The following ADARB2 variants were observed in gnomAD, a reference collection of about 807,000 sequenced individuals.
ADARB2 encodes the protein inactive double-stranded RNA-specific editase B2.
Under a neutral mutation model 62.2 loss-of-function variants are expected in ADARB2, and 25 were observed. That is an observed-to-expected ratio of 0.40 (90% confidence interval 0.29 to 0.56). The LOEUF (loss-of-function observed/expected upper bound fraction) is 0.56, where lower values mean the gene tolerates loss of function less well. ADARB2 is among the 20% of genes least tolerant of loss of function. The probability of loss-of-function intolerance (pLI) is 0.43; values close to 1 mark genes in which losing one functional copy is unlikely to be tolerated. For synonymous variants in ADARB2, 572 were observed against 500.8 expected (o/e 1.14, Z -1.90); for missense variants, 1,071 against 1,077.4 (o/e 0.99, Z 0.08).
At chr10:1,588,514 G>A (rs987479957) in intron 1 of ADARB2, among the ~76,000 whole-genome samples, 1 of 152,192 alleles carries the variant, frequency 6.6e-6, no homozygotes, top group Non-Finnish European at 1.5e-5. Context: ...GCTGCTGTTG[G>A]GAGGATTTGC....
intron 1 of ADARB2, among the ~76,000 whole-genome samples, chr10:1,544,976 C>CACACACACACACACAT (rs1353338323): frequency 6.6e-6 from 1 of 151,998 alleles, no homozygotes; most frequent in African/African-American, 2.4e-5. Flanking sequence ...CACACACACA[C>CACACACACACACACAT]ACACACACAA....
chr10:1,548,244 C>T (rs959406920), intron 1 of ADARB2, among the ~76,000 whole-genome samples: 31 of 152,290 alleles, frequency 2.0e-4, no homozygotes, highest in Non-Finnish European at 7.4e-5. Context: ...AGCCCATTCC[C>T]GCAACTCACT....
At chr10:1,323,893 T>C (rs1252040233) in intron 3 of ADARB2, among the ~76,000 whole-genome samples, 1 of 152,056 alleles carries the variant, frequency 6.6e-6, no homozygotes, top group African/African-American at 2.4e-5. Context: ...AAAGGAAAAA[T>C]GGAAGAAATG....
intron 1 of ADARB2, among the ~76,000 whole-genome samples, chr10:1,591,280 A>C (rs1049847562): frequency 1.3e-5 from 2 of 152,206 alleles, no homozygotes; most frequent in Admixed American, 6.5e-5. Context: ...GCCACACTGC[A>C]GGGCTGCTCG....
intron 3 of ADARB2, among the ~76,000 whole-genome samples, chr10:1,347,999 GAGAC>G (rs1832096622): frequency 6.6e-6 from 1 of 151,836 alleles, no homozygotes; most frequent in South Asian, 2.1e-4. Flanking sequence ...CTGAGAGAGA[GAGAC>G]AGAGACAAAC....
At chr10:1,669,591 AAC>A (rs996403846) in intron 1 of ADARB2, among the ~76,000 whole-genome samples, 27 of 150,210 alleles carry the variant, frequency 1.8e-4, no homozygotes, top group South Asian at 2.1e-4. Context: ...CTCACTCACA[AAC>A]ACAGACACAC....
chr10:1,185,180 G>T (rs549890339), intron 8 of ADARB2, 141 bp from the exon 9 acceptor site: 13 of 1,155,186 alleles, frequency 1.1e-5, no homozygotes, highest in Non-Finnish European at 1.5e-5. Flanking sequence ...GCCAGTTCAC[G>T]TGTCACCCGC....
intron 1 of ADARB2, among the ~76,000 whole-genome samples, chr10:1,634,047 C>G (rs1041121408): frequency 1.3e-5 from 2 of 152,182 alleles, no homozygotes; most frequent in Non-Finnish European, 2.9e-5. Flanking sequence ...TTTCTGCTGC[C>G]GGCTGTGCTG....
At chr10:1,299,206 G>A (rs1024638618) in intron 3 of ADARB2, among the ~76,000 whole-genome samples, 2 of 152,008 alleles carry the variant, frequency 1.3e-5, no homozygotes, top group African/African-American at 2.4e-5. Context: ...GGGGAGTCAC[G>A]AAGGGGCCCC....
At chr10:1,572,296 T>C (rs1832953090) in intron 1 of ADARB2, among the ~76,000 whole-genome samples, 1 of 152,046 alleles carries the variant, frequency 6.6e-6, no homozygotes, top group Admixed American at 6.5e-5. Flanking sequence ...AGTGAACAGG[T>C]GAGCTTGCAG....
At chr10:1,208,190 T>C (rs932624620) in intron 7 of ADARB2, among the ~76,000 whole-genome samples, 2 of 152,228 alleles carry the variant, frequency 1.3e-5, no homozygotes, top group African/African-American at 4.8e-5. Flanking sequence ...ACTTTATCTG[T>C]TCTCTGATTT....
chr10:1,421,164 C>T (rs1832849832), intron 1 of ADARB2, among the ~76,000 whole-genome samples: 1 of 151,970 alleles, frequency 6.6e-6, no homozygotes, highest in Non-Finnish European at 1.5e-5. Context: ...TTCAGACCTG[C>T]CTTGATTAAC....
chr10:1,185,470 T>C (rs1275986089), intron 8 of ADARB2, among the ~76,000 whole-genome samples: 1 of 151,334 alleles, frequency 6.6e-6, no homozygotes, highest in African/African-American at 2.4e-5. Context: ...CCTGGCTCCC[T>C]CGGGTTTACA....
chr10:1,699,372 G>T (rs866821487), intron 1 of ADARB2, among the ~76,000 whole-genome samples: 118 of 11,446 alleles, frequency 0.01, 1 homozygote, highest in East Asian at 0.02. Context: ...GCCAATACAC[G>T]CAATCCCACT....
At position 1,398,260 on chromosome 10, in the gene ADARB2, C is replaced by T. The variant is rs1832633066; in HGVS notation, c.101-19100G>A. On this transcript the variant is annotated intron_variant, in intron 1 of 9. Coordinates refer to ENST00000381312, the MANE Select transcript of ADARB2 (RefSeq NM_018702.4). The surrounding 1 kb of genome is among the most constrained non-coding windows in gnomAD (Gnocchi z 4.1). Reference sequence around the variant, plus strand: ...TTCCTGGGTCACCGTCCGTCTCTCCCCTCCCGAGTGCAGGCTTCCTGGGGC... The same window carrying T: ...TTCCTGGGTCACCGTCCGTCTCTCCTCTCCCGAGTGCAGGCTTCCTGGGGC... Among the ~76,000 whole-genome samples, 1 of 152,228 alleles carries T rather than the reference C, an allele frequency of 6.6e-6. No homozygotes were observed. Among genetic ancestry groups the T allele is most frequent in the African/African-American group, 2.4e-5 (1 of 41,460 alleles).
At chr10:1,583,662 C>T (rs2132002601) in intron 1 of ADARB2, among the ~76,000 whole-genome samples, 1 of 152,320 alleles carries the variant, frequency 6.6e-6, no homozygotes, top group South Asian at 2.1e-4. Context: ...TTCTTCCTCA[C>T]TTGATTTGTA....
chr10:1,673,206 A>C (rs2119105964), intron 1 of ADARB2, among the ~76,000 whole-genome samples: 1 of 152,324 alleles, frequency 6.6e-6, no homozygotes, highest in South Asian at 2.1e-4. Flanking sequence ...TAAAAACATG[A>C]ATTTTATTAT....
At chr10:1,514,931 T>C (rs555387688) in intron 1 of ADARB2, among the ~76,000 whole-genome samples, 1 of 152,028 alleles carries the variant, frequency 6.6e-6, no homozygotes, top group East Asian at 2.0e-4. Context: ...CTCTGTGAAT[T>C]CTCGTCATGA....
chr10:1,193,511 G>A (rs1285852477), intron 8 of ADARB2, among the ~76,000 whole-genome samples: 1 of 152,212 alleles, frequency 6.6e-6, no homozygotes, highest in Non-Finnish European at 1.5e-5. Context: ...TACTCAAAAT[G>A]TAGTAATATG....
Sources: gnomAD v4.1 joint callset for allele counts (sites outside exome capture counted in the v4.1 genomes callset) on GRCh38, gnomAD v4.1.1 for gene constraint, Gnocchi (gnomAD v3.1) non-coding constraint, MANE v1.5 for transcripts, NCBI Gene and HGNC (gene_info 2026-07-23, HGNC 2026-07-21) for gene names.